The following CTNNA3 variants were observed in gnomAD, a reference collection of about 807,000 sequenced individuals.
The protein encoded by CTNNA3 is catenin alpha 3.
A neutral mutation model predicts 95.7 loss-of-function variants in CTNNA3; 76 were observed. The ratio of observed to expected loss-of-function variants is 0.79; its 90% CI spans 0.66 to 0.96. The LOEUF is 0.96. Ranked by LOEUF, CTNNA3 falls within the 40% of genes least tolerant of loss-of-function variation. The pLI is 0.00. For missense variants in CTNNA3, 1,191 were observed against 1,089.8 expected, an observed-to-expected ratio of 1.09 and a Z score of -1.31; for synonymous variants, 431 against 374.4, an observed-to-expected ratio of 1.15 and a Z score of -1.74.
chr10:66,769,347 A>G (rs1313842030), intron 8 of CTNNA3, among the ~76,000 whole-genome samples: 3 of 152,196 alleles, frequency 2.0e-5, no homozygotes, highest in Non-Finnish European at 4.4e-5. Context: ...CTCCCACTGA[A>G]ATCATCTTAA....
rs1474612647 is a variant in CTNNA3, at chr10:65,916,121, A to T, written c.*4209T>A. 3.3e-5 allele frequency: 5 copies of T among 152,172 alleles called. No individual in the cohort carries two copies. Among genetic ancestry groups the T allele is most frequent in the Non-Finnish European group, 5.9e-5 (4 of 68,026 alleles). 9.4% of individuals were successfully genotyped at this position (152,172 alleles called of 1,614,324 possible). On this transcript the variant is annotated 3_prime_UTR_variant, in exon 18 of 18. Coordinates refer to ENST00000433211, the MANE Select transcript of CTNNA3 (RefSeq NM_013266.4). ...ATCATAATGGTATGGGAAAAGAGTCATAAAGAAAAAAATGGAATTTTCATA... is the reference window on the plus strand; with the variant it reads ...ATCATAATGGTATGGGAAAAGAGTCTTAAAGAAAAAAATGGAATTTTCATA...
intron 11 of CTNNA3, among the ~76,000 whole-genome samples, chr10:66,400,929 T>C (rs1238460721): frequency 6.6e-6 from 1 of 152,146 alleles, no homozygotes. Flanking sequence ...TGGTACCTAC[T>C]GTCTGATAAG....
chr10:66,929,136 A>G (rs372111749), intron 7 of CTNNA3, among the ~76,000 whole-genome samples: 1 of 152,208 alleles, frequency 6.6e-6, no homozygotes, highest in Non-Finnish European at 1.5e-5. Context: ...GATGACAAAA[A>G]TGTAAAGTTT....
chr10:65,989,219 G>C (rs887484549), intron 15 of CTNNA3, among the ~76,000 whole-genome samples: 1 of 152,302 alleles, frequency 6.6e-6, no homozygotes, highest in African/African-American at 2.4e-5. Flanking sequence ...GATTACAGGC[G>C]TGAGCCGCCG....
intron 3 of CTNNA3, among the ~76,000 whole-genome samples, chr10:67,583,937 G>C (rs1034778430): frequency 6.6e-6 from 1 of 152,082 alleles, no homozygotes; most frequent in African/African-American, 2.4e-5. Context: ...TCTCTATGCT[G>C]CTTATTCTAG....
intron 7 of CTNNA3, among the ~76,000 whole-genome samples, chr10:67,060,713 G>GC (rs1326953642): frequency 6.6e-6 from 1 of 152,092 alleles, no homozygotes; most frequent in African/African-American, 2.4e-5. Flanking sequence ...AGGAGTCTAG[G>GC]CATCATTCCA....
intron 12 of CTNNA3, among the ~76,000 whole-genome samples, chr10:66,324,220 T>C (rs190826703): frequency 6.6e-6 from 1 of 152,104 alleles, no homozygotes; most frequent in East Asian, 1.9e-4. Flanking sequence ...CTTGGGAGGC[T>C]GAGGCAGAAG....
intron 5 of CTNNA3, among the ~76,000 whole-genome samples, chr10:67,263,306 C>A (rs1354317193): frequency 6.6e-6 from 1 of 152,128 alleles, no homozygotes; most frequent in Non-Finnish European, 1.5e-5. Flanking sequence ...GATCTGGGAT[C>A]TTTTTATTAC....
intron 5 of CTNNA3, among the ~76,000 whole-genome samples, chr10:67,467,735 T>C (rs1401605751): frequency 6.6e-6 from 1 of 151,842 alleles, no homozygotes; most frequent in East Asian, 1.9e-4. Flanking sequence ...ATTTTTGAGA[T>C]GGGGCCTCAC....
chr10:67,709,578 T>G (rs1434816046), intron 1 of CTNNA3, among the ~76,000 whole-genome samples: 1 of 152,110 alleles, frequency 6.6e-6, no homozygotes, highest in Non-Finnish European at 1.5e-5. Flanking sequence ...ACACCCCTGC[T>G]AAGTCAGTTT....
In CTNNA3 at chr10:66,690,990, G is replaced by A. The variant is rs150691078; in HGVS notation, c.1282-69206C>T. 5.4e-3 allele frequency among the ~76,000 whole-genome samples: 825 copies of A among 152,256 alleles called. 3 individuals are homozygous for A. The highest frequency in any genetic ancestry group is 8.6e-3 in the Non-Finnish European group (588 of 68,014). ...CACATCCTCTCCAGCCAAGATGGCC[G>A]AATAGGAACAGCTCCGGTCTACAGC... On this transcript the variant is annotated intron_variant, in intron 9 of 17. Transcript: ENST00000433211.
chr10:66,685,130 G>A (rs2132512796), intron 9 of CTNNA3, among the ~76,000 whole-genome samples: 1 of 143,664 alleles, frequency 7.0e-6, no homozygotes, highest in African/African-American at 2.6e-5. Context: ...AAGCTATAAG[G>A]CATTCTTAGA....
intron 15 of CTNNA3, among the ~76,000 whole-genome samples, chr10:66,062,959 T>C (rs929584600): frequency 2.0e-5 from 3 of 151,956 alleles, no homozygotes; most frequent in Non-Finnish European, 2.9e-5. Flanking sequence ...TGATTCAGAG[T>C]ATGCCAACAG....
intron 7 of CTNNA3, among the ~76,000 whole-genome samples, chr10:67,042,166 C>T (rs763683729): frequency 1.1e-4 from 17 of 152,014 alleles, no homozygotes; most frequent in Non-Finnish European, 2.1e-4. Context: ...TTTATGTATA[C>T]ATTAAAAAGA....
intron 7 of CTNNA3, among the ~76,000 whole-genome samples, chr10:67,161,580 T>C (rs558231438): frequency 4.0e-5 from 6 of 151,878 alleles, no homozygotes; most frequent in African/African-American, 1.4e-4. Context: ...CTAAAGTGTA[T>C]TCAAGTAACT....
chr10:67,347,960 C>A (rs1368593409), intron 5 of CTNNA3, among the ~76,000 whole-genome samples: 2 of 151,942 alleles, frequency 1.3e-5, no homozygotes, highest in Non-Finnish European at 2.9e-5. Flanking sequence ...ACTACCTGTA[C>A]TCTGCTTCAC....
intron 7 of CTNNA3, among the ~76,000 whole-genome samples, chr10:67,143,643 C>A (rs1334335125): frequency 6.6e-6 from 1 of 152,184 alleles, no homozygotes; most frequent in African/African-American, 2.4e-5. Context: ...AAACCACTTT[C>A]TCATCCATAG....
At chr10:65,957,001 C>A (rs1380657272) in intron 17 of CTNNA3, among the ~76,000 whole-genome samples, 1 of 152,058 alleles carries the variant, frequency 6.6e-6, no homozygotes, top group Non-Finnish European at 1.5e-5. Context: ...TAAAATCTCC[C>A]ATTATTATTG....
chr10:67,118,604 A>G (rs1018792997), intron 7 of CTNNA3, among the ~76,000 whole-genome samples: 5 of 152,016 alleles, frequency 3.3e-5, no homozygotes, highest in African/African-American at 9.7e-5. Flanking sequence ...GCATAGAAAG[A>G]AAACTTAAAT....
Sources: gnomAD v4.1 joint callset for allele counts (sites outside exome capture counted in the v4.1 genomes callset) on GRCh38, gnomAD v4.1.1 for gene constraint, MANE v1.5 for transcripts, NCBI Gene and HGNC (gene_info 2026-07-23, HGNC 2026-07-21) for gene names.